The following CNTNAP2 variants were observed in gnomAD, a reference collection of about 807,000 sequenced individuals.
The protein encoded by CNTNAP2 is contactin-associated protein-like 2.
CNTNAP2 carries 98 observed loss-of-function variants against 155.2 expected under a neutral mutation model. That is an observed-to-expected ratio of 0.63 (90% CI 0.54 to 0.75). CNTNAP2 has a LOEUF of 0.75. Ranked by LOEUF, CNTNAP2 falls within the 30% of genes least tolerant of loss-of-function variation. CNTNAP2 has a pLI of 0.00. For missense variants in CNTNAP2, 1,727 were observed against 1,688.1 expected, an observed-to-expected ratio of 1.02 and a Z score of -0.40; for synonymous variants, 651 against 631.2, an observed-to-expected ratio of 1.03 and a Z score of -0.47.
intron 13 of CNTNAP2, among the ~76,000 whole-genome samples, chr7:147,826,737 A>G (rs1798457209): frequency 6.6e-6 from 1 of 152,136 alleles, no homozygotes; most frequent in African/African-American, 2.4e-5. Context: ...AGGGCTTGGA[A>G]TTTTTTTGAA....
At chr7:146,984,809 G>A (rs1348377110) in intron 3 of CNTNAP2, among the ~76,000 whole-genome samples, 1 of 152,178 alleles carries the variant, frequency 6.6e-6, no homozygotes, top group Non-Finnish European at 1.5e-5. Flanking sequence ...TGCTGGCAGT[G>A]GAAATGCTAT....
rs141878183 is a variant in CNTNAP2 at position 146,751,723 on chromosome 7, A to C, written c.98-22548A>C. On this transcript the variant is annotated intron_variant, in intron 1 of 23. Transcript: ENST00000361727. ...TGCTGCACCCATCAATCCGTCATGTAGGTTTTAAGCCCCACATGCGTTAGG... is the reference window on the plus strand; with the variant it reads ...TGCTGCACCCATCAATCCGTCATGTCGGTTTTAAGCCCCACATGCGTTAGG... Among the ~76,000 whole-genome samples the C allele has an allele frequency of 2.8e-3, 430 of 152,118 alleles. 3 individuals are homozygous for C. The highest frequency in any genetic ancestry group is 4.7e-3 in the Non-Finnish European group (319 of 67,990).
intron 11 of CNTNAP2, among the ~76,000 whole-genome samples, chr7:147,527,823 G>T (rs1027697574): frequency 1.3e-5 from 2 of 152,196 alleles, no homozygotes; most frequent in Admixed American, 1.3e-4. Flanking sequence ...TAAGACCCAG[G>T]CTGGCCTGAG....
chr7:147,873,073 A>G (rs140409221), intron 13 of CNTNAP2, among the ~76,000 whole-genome samples: 151 of 152,352 alleles, frequency 9.9e-4, no homozygotes, highest in African/African-American at 3.5e-3. Flanking sequence ...TTGTACTTAT[A>G]CATAATAAAA....
chr7:147,085,188 C>G (rs561821175), intron 4 of CNTNAP2, among the ~76,000 whole-genome samples: 8 of 152,088 alleles, frequency 5.3e-5, no homozygotes, highest in Non-Finnish European at 8.8e-5. Flanking sequence ...ACTTTGTTCT[C>G]CATCTCCTAG....
At chr7:146,298,461 A>G (rs1456902997) in intron 1 of CNTNAP2, among the ~76,000 whole-genome samples, 2 of 152,150 alleles carry the variant, frequency 1.3e-5, no homozygotes, top group Non-Finnish European at 2.9e-5. Context: ...AAAAGTTTGG[A>G]AAGGATTTGA....
At chr7:147,355,744 G>A (rs1418899193) in intron 9 of CNTNAP2, among the ~76,000 whole-genome samples, 1 of 152,050 alleles carries the variant, frequency 6.6e-6, no homozygotes, top group Non-Finnish European at 1.5e-5. Context: ...CCAGGAAGAA[G>A]TCAAATCCCT....
intron 13 of CNTNAP2, among the ~76,000 whole-genome samples, chr7:147,870,832 C>A (rs1799314746): frequency 6.6e-6 from 1 of 152,014 alleles, no homozygotes; most frequent in African/African-American, 2.4e-5. Flanking sequence ...CTAGGAGAGA[C>A]ATTGTGGATG....
intron 18 of CNTNAP2, among the ~76,000 whole-genome samples, chr7:148,182,345 ATGTTTGGCTGCCCTG>A (rs1795053029): frequency 5.5e-5 from 3 of 54,482 alleles, no homozygotes; most frequent in African/African-American, 1.2e-4. Flanking sequence ...GATTGCTCAC[ATGTTTGGCTGCCCTG>A]CAAGCAGGTC....
chr7:146,904,520 G>A (rs781712230), intron 3 of CNTNAP2, among the ~76,000 whole-genome samples: 3 of 152,164 alleles, frequency 2.0e-5, no homozygotes, highest in Non-Finnish European at 4.4e-5. Flanking sequence ...CACCCAGGCT[G>A]GAGCACAGTG....
intron 1 of CNTNAP2, among the ~76,000 whole-genome samples, chr7:146,360,513 G>T (rs899570258): frequency 1.5e-4 from 23 of 151,462 alleles, no homozygotes; most frequent in African/African-American, 5.6e-4. Context: ...TGCTATGAAG[G>T]TTTAGAATAG....
chr7:148,114,096 A>C (rs1804412824), intron 15 of CNTNAP2, among the ~76,000 whole-genome samples: 1 of 152,180 alleles, frequency 6.6e-6, no homozygotes, highest in Non-Finnish European at 1.5e-5. Flanking sequence ...CATAGCACTG[A>C]CCTTGGTAGC....
At chr7:148,134,171 T>G (rs1177665163) in intron 16 of CNTNAP2, among the ~76,000 whole-genome samples, 1 of 152,194 alleles carries the variant, frequency 6.6e-6, no homozygotes, top group Non-Finnish European at 1.5e-5. Context: ...ATGATCAAAT[T>G]TGGTTTTCTG....
chr7:146,281,073 A>G (rs1443212723), intron 1 of CNTNAP2, among the ~76,000 whole-genome samples: 1 of 152,190 alleles, frequency 6.6e-6, no homozygotes, highest in East Asian at 1.9e-4. Context: ...AGAGAGAAGG[A>G]GGCAGAATTC....
Position 148,278,400 on chromosome 7 carries a change from A to C in CNTNAP2, c.3475+11274A>C, listed in dbSNP as rs1028121620. On this transcript the variant is annotated intron_variant, in intron 21 of 23. Transcript: ENST00000361727. ...GCTAACATGGCGAAACCCTGTCGCT[A>C]CTAAAAAATACAAAAAAAAATTAGC... 3.3e-5 allele frequency among the ~76,000 whole-genome samples: 5 copies of C among 152,016 alleles called. No homozygotes were observed. In the East Asian group the frequency reaches 7.7e-4, roughly 23 times the overall value.
intron 13 of CNTNAP2, among the ~76,000 whole-genome samples, chr7:147,683,328 G>T (rs1795974329): frequency 1.3e-5 from 2 of 151,814 alleles, no homozygotes; most frequent in African/African-American, 4.8e-5. Context: ...TGCAGCCTTT[G>T]CAATCCAGTT....
intron 13 of CNTNAP2, among the ~76,000 whole-genome samples, chr7:147,862,675 A>G (rs944437813): frequency 6.6e-6 from 1 of 151,980 alleles, no homozygotes; most frequent in Non-Finnish European, 1.5e-5. Flanking sequence ...ACACACACAT[A>G]TGATTGTTTT....
In CNTNAP2 at chr7:147,663,895, T is replaced by C. The variant is rs562490523; in HGVS notation, c.2098+24589T>C. Among the ~76,000 whole-genome samples, 5 of 152,354 alleles carry C rather than the reference T, an allele frequency of 3.3e-5. No individual in the cohort carries two copies. In the South Asian group the frequency reaches 1.0e-3, roughly 32 times the overall value. On this transcript the variant is annotated intron_variant, in intron 13 of 23. Transcript: ENST00000361727. ...ATTGGTTCATTTATTTACTTATTTA[T>C]CCATTCTATAACTCATTAATTCTTT...
At chr7:147,562,077 A>T (rs1326033903) in intron 11 of CNTNAP2, 61 bp from the exon 12 acceptor site, 15 of 1,611,166 alleles carry the variant, frequency 9.3e-6, no homozygotes, top group Admixed American at 3.3e-5. Context: ...CCACTGGGAC[A>T]TTTATCTGGG....
Sources: gnomAD v4.1 joint callset for allele counts (sites outside exome capture counted in the v4.1 genomes callset) on GRCh38, gnomAD v4.1.1 for gene constraint, MANE v1.5 for transcripts, NCBI Gene and HGNC (gene_info 2026-07-23, HGNC 2026-07-21) for gene names.